Variants in TAF1 observed in about 807,000 individuals in gnomAD.
TAF1 encodes the protein transcription initiation factor TFIID subunit 1.
TAF1 carries 2 observed loss-of-function variants against 138.5 expected under a neutral mutation model. The observed-to-expected ratio is 0.01, with a 90% confidence interval of 0.01 to 0.05. The LOEUF is 0.05. Ranked by LOEUF, TAF1 falls within the 10% of genes least tolerant of loss-of-function variation. The pLI is 1.00. For missense variants in TAF1, 709 were observed against 1,478.0 expected (o/e 0.48, Z 8.53); for synonymous variants, 437 against 503.2 (o/e 0.87, Z 1.76).
At chrX:71,375,139 G>C (rs776261167) in intron 3 of TAF1, 28 bp from the exon 4 acceptor site, 1 of 1,199,747 alleles carries the variant, frequency 8.3e-7, no homozygotes, top group Non-Finnish European at 1.1e-6. Flanking sequence ...TTTGGATATT[G>C]AGGAGATCAC....
At chrX:71,434,197 T>TA (rs1301491529) in intron 32 of TAF1, among the ~76,000 whole-genome samples, 1 of 111,875 alleles carries the variant, frequency 8.9e-6, no homozygotes, top group African/African-American at 3.2e-5. Context: ...ACCCTGTCTC[T>TA]AAAAAAATTT....
chrX:71,447,684 G>A (rs1476368406), intron 32 of TAF1, among the ~76,000 whole-genome samples: 6 of 102,772 alleles, frequency 5.8e-5, no homozygotes, highest in African/African-American at 1.8e-4. Flanking sequence ...GTGACAGAGC[G>A]AGACACTGTG....
At chrX:71,489,280 G>A (rs1485791295) in intron 13 of TAF1, among the ~76,000 whole-genome samples, 2 of 110,944 alleles carry the variant, frequency 1.8e-5, no homozygotes, top group Admixed American at 9.7e-5. Context: ...TGGGGTTTAA[G>A]ATGTCAGAGG....
At chrX:71,429,562 T>C (rs1255994238) in intron 32 of TAF1, among the ~76,000 whole-genome samples, 1 of 110,184 alleles carries the variant, frequency 9.1e-6, no homozygotes, top group African/African-American at 3.3e-5. Context: ...AGGGGCCAAA[T>C]CATGAAACGC....
intron 32 of TAF1, among the ~76,000 whole-genome samples, chrX:71,443,305 C>A (rs1030305765): frequency 4.5e-5 from 5 of 112,065 alleles, no homozygotes; most frequent in African/African-American, 1.6e-4. Context: ...ATGGAATCTT[C>A]TTCCATTTGT....
At position 71,377,015 on chromosome X, in the gene TAF1, A is replaced by C; in HGVS notation, c.538A>C (p.Lys180Gln). ...TGCCCCTTCCTCTTTGGCCTCAGAG[A>C]AAGTGGACTTCAGTAGTTCCTCTGA... ...IIAPSSLASE[K>Q]VDFSSSSDSE... Residue 180 changes from lysine to glutamine, a missense_variant, in exon 5 of 38, where the codon AAA becomes CAA. Physicochemically the swap from Lys to Gln is moderately conservative, Grantham distance 53. Coordinates refer to ENST00000423759, the MANE Select transcript of TAF1 (RefSeq NM_004606.5). 1 of 1,211,813 alleles carries C rather than the reference A, an allele frequency of 8.3e-7. No homozygotes were observed. The highest frequency in any genetic ancestry group is 1.1e-6 in the Non-Finnish European group (1 of 895,554).
rs201937378 is a variant in TAF1, at chrX:71,528,365, ACAGT to A, written c.1367-173_1367-170del. ...CATCAACTCTTGCAACCCCAGGAGG[ACAGT>A]CAGGATTAGAATTCAAATGACAGTG... On this transcript the variant is annotated intron_variant and NMD_transcript_variant, in intron 13 of 14. Transcript: ENST00000373775. 2.5e-3 allele frequency: 635 copies of A among 258,674 alleles called. 4 individuals carry two copies. Among genetic ancestry groups the A allele is most frequent in the African/African-American group, 0.017 (582 of 34,956 alleles). The allele number at this position is 258,674 out of a possible 1,213,427, so 21.3% of individuals were successfully genotyped here.
chrX:71,497,575 G>T (rs779916208), intron 13 of TAF1, among the ~76,000 whole-genome samples: 1 of 111,530 alleles, frequency 9.0e-6, no homozygotes, highest in Non-Finnish European at 1.9e-5. Context: ...CCTTACTTAC[G>T]TATGCCACTG....
intron 14 of TAF1, chrX:71,387,010 G>C: frequency 2.7e-6 from 1 of 368,167 alleles, no homozygotes; most frequent in Non-Finnish European, 4.7e-6. Flanking sequence ...AAATCATAGA[G>C]GTAATGGCAG....
chrX:71,385,065 C>T lies in TAF1; in HGVS notation c.2226+16C>T. On this transcript the variant is annotated intron_variant, in intron 14 of 37. Transcript: ENST00000423759. ...ATTGCTGCAAGTGAGGAATTCTTTCCTGTTTTTACTGTTAACTAAGGAAAT... is the reference window on the plus strand; with the variant it reads ...ATTGCTGCAAGTGAGGAATTCTTTCTTGTTTTTACTGTTAACTAAGGAAAT... 8.9e-7 allele frequency: 1 copy of T among 1,126,338 alleles called. No homozygotes were observed. The highest frequency in any genetic ancestry group is 1.2e-6 in the Non-Finnish European group (1 of 823,716). 92.8% of individuals were successfully genotyped at this position (1,126,338 alleles called of 1,213,427 possible).
chrX:71,471,267 G>A (rs2038879013), intron 13 of TAF1, among the ~76,000 whole-genome samples: 1 of 102,781 alleles, frequency 9.7e-6, no homozygotes, highest in Non-Finnish European at 2.0e-5. Context: ...GCAGTGAACC[G>A]AGATCACACC....
chrX:71,477,917 G>A (rs762110650), intron 13 of TAF1, among the ~76,000 whole-genome samples: 47 of 110,343 alleles, frequency 4.3e-4, no homozygotes, highest in Admixed American at 4.2e-3. Context: ...TCACTTGAGC[G>A]CAGGAGGCAA....
chrX:71,444,297 C>T, intron 32 of TAF1, among the ~76,000 whole-genome samples: 1 of 112,336 alleles, frequency 8.9e-6, no homozygotes, highest in South Asian at 3.7e-4. Context: ...CGTGAGCCAC[C>T]TCGCTCGGCC....
At chrX:71,384,207 A>G (rs754501449) in intron 13 of TAF1, 72 bp downstream of exon 13, 2 of 1,120,804 alleles carry the variant, frequency 1.8e-6, no homozygotes, top group East Asian at 3.0e-5. Flanking sequence ...TTTATGTACA[A>G]ACTTTTTGTT....
chrX:71,508,765 C>T (rs1184897892), intron 13 of TAF1, among the ~76,000 whole-genome samples: 8 of 106,449 alleles, frequency 7.5e-5, no homozygotes, highest in African/African-American at 1.4e-4. Context: ...TGTGTGTGCG[C>T]GCATATGCAT....
chrX:71,456,649 C>CTTTTTTTTTTTTTTTTTTTTTTTT, intron 34 of TAF1, among the ~76,000 whole-genome samples: 1 of 26,828 alleles, frequency 3.7e-5, no homozygotes, highest in Non-Finnish European at 6.3e-5. Context: ...AATGTATTTT[C>CTTTTTTTTTTTTTTTTTTTTTTTT]TTTTTTTTTT....
At chrX:71,404,034 C>T (rs1015597781) in intron 25 of TAF1, among the ~76,000 whole-genome samples, 7 of 106,079 alleles carry the variant, frequency 6.6e-5, no homozygotes, top group South Asian at 4.1e-4. Flanking sequence ...AGTGCGGTGG[C>T]GCAATCTCGG....
At chrX:71,403,433 A>G (rs2035286566) in intron 25 of TAF1, among the ~76,000 whole-genome samples, 1 of 112,192 alleles carries the variant, frequency 8.9e-6, no homozygotes, top group Non-Finnish European at 1.9e-5. Context: ...ATCAGATTCC[A>G]ATTAAATGTT....
At chrX:71,402,722 A>G (rs1212459989) in intron 25 of TAF1, among the ~76,000 whole-genome samples, 1 of 112,255 alleles carries the variant, frequency 8.9e-6, no homozygotes, top group South Asian at 3.6e-4. Context: ...AATATAATAT[A>G]TAATTCCTCT....
Sources: allele counts gnomAD v4.1 joint callset (sites outside exome capture counted in the v4.1 genomes callset), GRCh38; gene constraint gnomAD v4.1.1; transcripts MANE v1.5; gene names NCBI Gene and HGNC (gene_info 2026-07-23, HGNC 2026-07-21).